Variants in SPINDOC observed in about 807,000 individuals in gnomAD.
The protein encoded by SPINDOC is spindlin interactor and repressor of chromatin-binding protein.
SPINDOC carries 13 observed loss-of-function variants against 30.7 expected under a neutral mutation model. The ratio of observed to expected loss-of-function variants is 0.42; its 90% CI spans 0.28 to 0.67. The LOEUF is 0.67. Ranked by LOEUF, SPINDOC falls within the 30% of genes least tolerant of loss-of-function variation. SPINDOC has a pLI of 0.22. For missense variants in SPINDOC, 438 were observed against 518.0 expected (o/e 0.85, Z 1.50); for synonymous variants, 228 against 211.4 (o/e 1.08, Z -0.68).
At chr11:63,823,369 A>G (rs1433905272) in intron 5 of SPINDOC, 10 of 1,177,976 alleles carry the variant, frequency 8.5e-6, no homozygotes, top group Non-Finnish European at 1.1e-5. Flanking sequence ...ACTTTAAAAA[A>G]AATTAGAGGT....
intron 5 of SPINDOC, among the ~76,000 whole-genome samples, chr11:63,822,356 T>TAAAAAAAA (rs753315518): frequency 1.6e-3 from 96 of 58,432 alleles, no homozygotes; most frequent in Non-Finnish European, 2.8e-3. Context: ...CTAGACTGTC[T>TAAAAAAAA]AAAAAAAAAA....
intron 5 of SPINDOC, among the ~76,000 whole-genome samples, chr11:63,826,573 A>G (rs768128000): frequency 6.6e-6 from 1 of 152,138 alleles, no homozygotes; most frequent in Non-Finnish European, 1.5e-5. Flanking sequence ...CCGTTAGGCT[A>G]GGATGCCCAG....
chr11:63,822,090 C>T (rs2015537087), intron 5 of SPINDOC, among the ~76,000 whole-genome samples: 1 of 152,126 alleles, frequency 6.6e-6, no homozygotes, highest in Non-Finnish European at 1.5e-5. Flanking sequence ...ACCTGTCATT[C>T]CCAGCACTTT....
At chr11:63,820,946 G>A (rs2015504459) in intron 5 of SPINDOC, among the ~76,000 whole-genome samples, 1 of 151,228 alleles carries the variant, frequency 6.6e-6, no homozygotes, top group African/African-American at 2.4e-5. Flanking sequence ...CAGCCACTTG[G>A]GAGGCTGAGA....
chr11:63,816,106 G>C (rs896531076), intron 1 of SPINDOC, among the ~76,000 whole-genome samples: 1 of 152,144 alleles, frequency 6.6e-6, no homozygotes, highest in Non-Finnish European at 1.5e-5. Flanking sequence ...GACAGGCAGT[G>C]AACATCCCAA....
In SPINDOC at chr11:63,813,607, G is replaced by C; in HGVS notation, c.-80G>C. 7.5e-7 allele frequency: 1 copy of C among 1,338,972 alleles called. No individual in the cohort carries two copies. 82.9% of individuals were successfully genotyped at this position (1,338,972 alleles called of 1,614,324 possible). On this transcript the variant is annotated 5_prime_UTR_variant, in exon 1 of 6. Coordinates refer to ENST00000294244, the MANE Select transcript of SPINDOC (RefSeq NM_138471.3). ...GCGGGCCCGGCGCTATTCCGGCCAG[G>C]AGGCGGGAGGCGGTTGCCGGCTGCG...
rs1293236356 is a variant in SPINDOC, at chr11:63,824,906, A to C, written c.935-2022A>C. ...TTCAGTTTGCTGTGACCACACCCACACAGTCATCCTCTTCTTTCTCCAGCC... is the reference window on the plus strand; with the variant it reads ...TTCAGTTTGCTGTGACCACACCCACCCAGTCATCCTCTTCTTTCTCCAGCC... On this transcript the variant is annotated intron_variant, in intron 5 of 5. Transcript: ENST00000294244. Among the ~76,000 whole-genome samples the C allele has an allele frequency of 4.6e-5, 7 of 151,994 alleles. No homozygotes were observed. The East Asian group carries it at 1.3e-3, about 29-fold the overall frequency.
rs754291128 is a variant in SPINDOC, at chr11:63,818,956, G to C, written c.888G>C (p.Arg296Ser). 1 of 1,614,148 alleles carries C rather than the reference G, an allele frequency of 6.2e-7. No individual in the cohort carries two copies. Among genetic ancestry groups the C allele is most frequent in the Non-Finnish European group, 8.5e-7 (1 of 1,180,046 alleles). ...GPDSKDSPKD[R>S]EVAEGGLPRA... ...ACAGCAAGGACTCACCCAAAGACAG[G>C]GAAGTGGCAGAAGGAGGCCTTCCCC... The change falls in exon 5 of 6, where the codon AGG becomes AGC. Residue 296 changes from arginine to serine, a missense_variant. Arg to Ser is a moderately radical substitution (Grantham distance 110). Coordinates refer to ENST00000294244, the MANE Select transcript of SPINDOC (RefSeq NM_138471.3). The surrounding 1 kb of genome is among the most constrained non-coding windows in gnomAD (Gnocchi z 5.3).
Position 63,817,912 on chromosome 11 carries a change from G to A in SPINDOC, c.235G>A (p.Val79Met). ...QQVSWEQEFL[V>M]GSSPGGSGRA... is the part of the protein sequence containing the mutation. The stretch of plus-strand genomic sequence containing the variant: ...GGTGTCTTGGGAGCAGGAGTTCCTG[G>A]TGGGCAGCAGCCCAGGAGGCAGCGG... Residue 79 changes from valine to methionine, a missense_variant, in exon 2 of 6, where the codon GTG (valine) becomes ATG (methionine). By Grantham distance (21) the Val-to-Met change is conservative. Around this residue, in one of 3 missense-constraint regions of SPINDOC, gnomAD observed 129 missense variants for 152.7 expected, o/e 0.84. Coordinates refer to ENST00000294244, the MANE Select transcript of SPINDOC (RefSeq NM_138471.3). 1 of 1,614,066 alleles carries A rather than the reference G, an allele frequency of 6.2e-7. No individual in the cohort carries two copies. Among genetic ancestry groups the A allele is most frequent in the South Asian group, 1.1e-5 (1 of 91,064 alleles).
At chr11:63,815,572 CCAGCAGGCAGA>C (rs1350847259) in intron 1 of SPINDOC, among the ~76,000 whole-genome samples, 3 of 152,138 alleles carry the variant, frequency 2.0e-5, no homozygotes, top group Non-Finnish European at 2.9e-5. Flanking sequence ...ACAGAAATTG[CCAGCAGGCAGA>C]CAGTGGGAAG....
intron 1 of SPINDOC, among the ~76,000 whole-genome samples, chr11:63,816,765 A>T (rs561389721): frequency 3.7e-4 from 56 of 152,170 alleles, no homozygotes; most frequent in Non-Finnish European, 5.9e-4. Flanking sequence ...GTGAAAGCTT[A>T]TGGTCTGTCT....
At chr11:63,824,383 C>T (rs186806203) in intron 5 of SPINDOC, among the ~76,000 whole-genome samples, 204 of 152,292 alleles carry the variant, frequency 1.3e-3, no homozygotes, top group African/African-American at 4.8e-3. Flanking sequence ...AGAGTTGGAA[C>T]ACGTCGTATC....
intron 5 of SPINDOC, among the ~76,000 whole-genome samples, chr11:63,820,392 T>G (rs1163302739): frequency 2.2e-5 from 3 of 134,886 alleles, no homozygotes; most frequent in African/African-American, 8.9e-5. Context: ...AGTGAAACTC[T>G]GTCTCCAAAA....
Position 63,818,309 on chromosome 11 carries a change from A to G in SPINDOC, c.551A>G (p.Asn184Ser), listed in dbSNP as rs2015404233. The G allele has an allele frequency of 6.2e-7, 1 of 1,613,700 alleles. No homozygotes were observed. Among genetic ancestry groups the G allele is most frequent in the Admixed American group, 1.7e-5 (1 of 59,934 alleles). The change falls in exon 3 of 6, where the codon AAC becomes AGC. Residue 184 changes from asparagine to serine, a missense_variant. This residue lies in a region of SPINDOC where 300 missense variants were observed against 332.8 expected (regional missense o/e 0.90). Coordinates refer to ENST00000294244, the MANE Select transcript of SPINDOC (RefSeq NM_138471.3). This position sits in a 1 kb window ranked among gnomAD's most constrained non-coding sequence, Gnocchi z 5.3. Reference protein sequence around the residue: ...EIVVLLDSEDNPSLPKRSRPR... With the variant: ...EIVVLLDSEDSPSLPKRSRPR... Reference sequence around the variant, plus strand: ...GTCGTTCTCCTTGACTCTGAGGATAACCCATCCCTCCCTAAAAGGAGCCGG... The same window carrying G: ...GTCGTTCTCCTTGACTCTGAGGATAGCCCATCCCTCCCTAAAAGGAGCCGG...
At chr11:63,822,849 G>A (rs759667189) in intron 5 of SPINDOC, 1 of 1,289,204 alleles carries the variant, frequency 7.8e-7, no homozygotes, top group South Asian at 1.2e-5. Context: ...ATCTGGAGTG[G>A]TGAGTAGATG....
chr11:63,816,335 A>G (rs141228930), intron 1 of SPINDOC, among the ~76,000 whole-genome samples: 2 of 152,306 alleles, frequency 1.3e-5, no homozygotes, highest in East Asian at 1.9e-4. Flanking sequence ...AGTGATGAAA[A>G]TCAAGATGGA....
At chr11:63,823,552 C>G (rs905787356) in intron 5 of SPINDOC, among the ~76,000 whole-genome samples, 10 of 152,092 alleles carry the variant, frequency 6.6e-5, no homozygotes, top group African/African-American at 2.4e-4. Flanking sequence ...CAATGACCCA[C>G]TGACAAGTAA....
At chr11:63,814,211 C>G (rs3016219) in intron 1 of SPINDOC, among the ~76,000 whole-genome samples, 1 of 152,214 alleles carries the variant, frequency 6.6e-6, no homozygotes, top group Non-Finnish European at 1.5e-5. Flanking sequence ...GGGCTGTGTT[C>G]TAGTCCGAGG....
intron 1 of SPINDOC, among the ~76,000 whole-genome samples, chr11:63,815,768 AT>A (rs34469401): frequency 2.8e-3 from 404 of 141,958 alleles, no homozygotes; most frequent in Middle Eastern, 3.6e-3. Flanking sequence ...ATGGTCATGG[AT>A]TTTTTTTTTT....
Sources: gnomAD v4.1 joint callset for allele counts (sites outside exome capture counted in the v4.1 genomes callset) on GRCh38, gnomAD v4.1.1 for gene constraint, gnomAD v4.1.1 regional missense constraint, Gnocchi (gnomAD v3.1) non-coding constraint, MANE v1.5 for transcripts, NCBI Gene and HGNC (gene_info 2026-07-23, HGNC 2026-07-21) for gene names.